Variants in CLDN10 observed in about 807,000 individuals in gnomAD.
The protein encoded by CLDN10 is claudin-10.
In CLDN10, 15 loss-of-function variants were observed where a neutral mutation model predicts 22.9. The observed-to-expected ratio is 0.65, with a 90% CI of 0.44 to 1.01. The LOEUF (loss-of-function observed/expected upper bound fraction) is 1.01. Among genes scored for constraint, CLDN10 ranks in the 50% least tolerant of loss-of-function variants. The pLI is 0.00. For synonymous variants in CLDN10, 114 were observed against 111.4 expected (o/e 1.02, Z -0.15); for missense variants, 247 against 287.8 (o/e 0.86, Z 1.03).
intron 1 of CLDN10, among the ~76,000 whole-genome samples, chr13:95,488,773 C>T (rs1371095833): frequency 1.3e-5 from 2 of 152,014 alleles, no homozygotes; most frequent in Non-Finnish European, 2.9e-5. Context: ...TCTCTTCATC[C>T]ACTTGTTGAT....
chr13:95,519,808 A>T (rs2043206213), intron 1 of CLDN10, among the ~76,000 whole-genome samples: 1 of 152,258 alleles, frequency 6.6e-6, no homozygotes, highest in South Asian at 2.1e-4. Context: ...GCTCTAACAT[A>T]CTGGGAGCAT....
chr13:95,500,831 G>A (rs565954928), intron 1 of CLDN10, among the ~76,000 whole-genome samples: 84 of 151,884 alleles, frequency 5.5e-4, no homozygotes, highest in Non-Finnish European at 3.5e-4. Flanking sequence ...CCTCATTTTC[G>A]TTTTAAAAAT....
At chr13:95,437,236 A>T (rs760547021) in intron 1 of CLDN10, among the ~76,000 whole-genome samples, 3 of 152,218 alleles carry the variant, frequency 2.0e-5, no homozygotes, top group Non-Finnish European at 4.4e-5. Context: ...ATTTATAGCT[A>T]TAGTAAAAAA....
chr13:95,461,935 TA>T (rs556077190), intron 1 of CLDN10, among the ~76,000 whole-genome samples: 98 of 145,044 alleles, frequency 6.8e-4, no homozygotes, highest in African/African-American at 9.5e-4. Context: ...CTACAAAAAG[TA>T]AAAAAAAAAA....
intron 1 of CLDN10, 47 bp downstream of exon 1, chr13:95,553,020 C>T: frequency 1.2e-6 from 2 of 1,602,368 alleles, no homozygotes; most frequent in Non-Finnish European, 1.7e-6. Context: ...TCCTTGATGG[C>T]CAGCCCGCTA....
intron 3 of CLDN10, among the ~76,000 whole-genome samples, chr13:95,569,870 G>A (rs1017610102): frequency 3.3e-5 from 5 of 151,948 alleles, no homozygotes; most frequent in African/African-American, 9.7e-5. Context: ...CTGGGTTCAC[G>A]CCATTCTCCT....
At chr13:95,494,701 T>A (rs1226522254) in intron 1 of CLDN10, among the ~76,000 whole-genome samples, 2 of 152,194 alleles carry the variant, frequency 1.3e-5, no homozygotes, top group African/African-American at 4.8e-5. Context: ...TATCTCTGAA[T>A]AAAACAGTTG....
chr13:95,453,772 G>A (rs1037584795), intron 1 of CLDN10, among the ~76,000 whole-genome samples: 3 of 152,020 alleles, frequency 2.0e-5, no homozygotes, highest in African/African-American at 7.2e-5. Context: ...AGGTCCATAG[G>A]CATGGCTGTC....
chr13:95,577,223 T>G lies in CLDN10; in HGVS notation c.465-8T>G. On this transcript the variant is annotated splice_polypyrimidine_tract_variant and splice_region_variant and intron_variant, in intron 3 of 4. Transcript: ENST00000299339. ...GAGCTGTAATACTTGTGTAATGCTT[T>G]CTCACAGGTATGAATTAGGAGCCGC... is the stretch of plus-strand genomic sequence containing the variant. The G allele has an allele frequency of 6.3e-7, 1 of 1,592,060 alleles. No homozygotes were observed. The highest frequency in any genetic ancestry group is 8.6e-7 in the Non-Finnish European group (1 of 1,160,038).
chr13:95,495,271 A>G (rs1039867421), intron 1 of CLDN10, among the ~76,000 whole-genome samples: 3 of 151,790 alleles, frequency 2.0e-5, no homozygotes, highest in African/African-American at 7.3e-5. Context: ...TCCTGACCTC[A>G]AGTGATCTGT....
At chr13:95,527,095 T>C (rs565746540) in intron 1 of CLDN10, among the ~76,000 whole-genome samples, 1 of 152,206 alleles carries the variant, frequency 6.6e-6, no homozygotes, top group African/African-American at 2.4e-5. Context: ...GACCCATTTT[T>C]GCCACCTTCT....
At chr13:95,553,198 G>C (rs2043589603) in intron 1 of CLDN10, among the ~76,000 whole-genome samples, 1 of 152,214 alleles carries the variant, frequency 6.6e-6, no homozygotes, top group African/African-American at 2.4e-5. Flanking sequence ...GACCCCGGGA[G>C]GGGGGACACG....
intron 1 of CLDN10, among the ~76,000 whole-genome samples, chr13:95,462,713 G>C (rs1405315563): frequency 6.6e-6 from 1 of 152,096 alleles, no homozygotes; most frequent in Non-Finnish European, 1.5e-5. Context: ...AACAGAAATG[G>C]TAGCCAAGTT....
In CLDN10 at chr13:95,560,157, T is replaced by A. The variant is rs1226027148; in HGVS notation, c.246T>A (p.Leu82=). The A allele has an allele frequency of 6.2e-7, 1 of 1,614,178 alleles. No homozygotes were observed. Residue 82 remains leucine, a synonymous_variant, in exon 2 of 5, where the codon CTT becomes CTA. Coordinates refer to ENST00000299339, the MANE Select transcript of CLDN10 (RefSeq NM_006984.5). ...LDGYIQACRG[L]MIAAVSLGFF... ...GTTATATACAGGCATGTAGAGGACT[T>A]ATGATCGCTGCTGTCAGCCTGGGCT...
chr13:95,468,826 T>C (rs903246342), intron 1 of CLDN10, among the ~76,000 whole-genome samples: 4 of 152,172 alleles, frequency 2.6e-5, no homozygotes, highest in African/African-American at 9.7e-5. Context: ...GAGCTAAGAA[T>C]AGTGTATTTT....
chr13:95,512,008 C>A (rs2043106826), intron 1 of CLDN10, among the ~76,000 whole-genome samples: 1 of 131,044 alleles, frequency 7.6e-6, no homozygotes, highest in South Asian at 2.5e-4. Flanking sequence ...TCTCCCCCCA[C>A]CCCACAACAG....
Position 95,445,299 on chromosome 13 carries a change from C to G in CLDN10, c.214+11252C>G, listed in dbSNP as rs146833160. Among the ~76,000 whole-genome samples the G allele has an allele frequency of 5.5e-3, 845 of 152,270 alleles. 7 individuals are homozygous for G. The highest frequency in any genetic ancestry group is 0.017 in the Middle Eastern group (5 of 294). On this transcript the variant is annotated intron_variant, in intron 1 of 4. Transcript: ENST00000376873. ...GCGGGGGAGAATATCTGGCTGCAGA[C>G]GTCGATAACAAAAGCTCCCAAAGGG...
At position 95,467,529 on chromosome 13, in the gene CLDN10, T is replaced by G. The variant is rs200228965; in HGVS notation, c.214+33482T>G. On this transcript the variant is annotated intron_variant, in intron 1 of 4. Coordinates refer to the CLDN10 transcript ENST00000376873. The stretch of plus-strand genomic sequence containing the variant: ...TTACCCCTCCCTCTATTGTTTTTTT[T>G]GGGGGGGGCAATTTATTTGTTGATG... Among the ~76,000 whole-genome samples the G allele has an allele frequency of 2.2e-4, 33 of 150,904 alleles. No individual in the cohort carries two copies. In the East Asian group the frequency reaches 4.3e-3, roughly 20 times the overall value.
rs550567629 is a variant in CLDN10 at position 95,453,045 on chromosome 13, C to T, written c.214+18998C>T. Among the ~76,000 whole-genome samples the T allele has an allele frequency of 2.5e-4, 38 of 152,160 alleles. No individual in the cohort carries two copies. In the South Asian group the frequency reaches 7.9e-3, roughly 32 times the overall value. ...TCCTATTTATAAACTTTGATTCTTC[C>T]CTTAATCAGCATGCAATGGTTTTTG... On this transcript the variant is annotated intron_variant, in intron 1 of 4. Transcript: ENST00000376873.
Sources: gnomAD v4.1 joint callset for allele counts (sites outside exome capture counted in the v4.1 genomes callset) on GRCh38, gnomAD v4.1.1 for gene constraint, MANE v1.5 for transcripts, NCBI Gene and HGNC (gene_info 2026-07-23, HGNC 2026-07-21) for gene names.